Variants in TXK observed in about 807,000 individuals in gnomAD.
TXK encodes TXK tyrosine kinase, also known as tyrosine-protein kinase TXK.
In TXK, 60 loss-of-function variants were observed where a neutral mutation model predicts 81.0. That is an observed-to-expected ratio of 0.74 (90% CI 0.60 to 0.92). TXK has a LOEUF of 0.92. Among genes scored for constraint, TXK ranks in the 40% least tolerant of loss-of-function variants. The pLI, the probability that TXK is intolerant of heterozygous loss-of-function variation, is 0.00. For synonymous variants in TXK, 203 were observed against 210.7 expected (o/e 0.96, Z 0.32); for missense variants, 581 against 638.3 (o/e 0.91, Z 0.97).
chr4:48,091,608 C>A, intron 8 of TXK, among the ~76,000 whole-genome samples: 1 of 151,892 alleles, frequency 6.6e-6, no homozygotes, highest in East Asian at 1.9e-4. Context: ...CAGGTTCAAG[C>A]GATTCTCCTG....
chr4:48,130,228 G>C (rs574014829), intron 1 of TXK, among the ~76,000 whole-genome samples: 2 of 152,292 alleles, frequency 1.3e-5, no homozygotes, highest in Admixed American at 1.3e-4. Context: ...CACACACTTA[G>C]TTATCTATTG....
chr4:48,095,540 A>G (rs949680881), intron 6 of TXK, among the ~76,000 whole-genome samples: 3 of 152,204 alleles, frequency 2.0e-5, no homozygotes, highest in Non-Finnish European at 4.4e-5. Context: ...TATATTGACC[A>G]GAATAATAGA....
At chr4:48,075,805 A>C (rs4695333) in intron 12 of TXK, among the ~76,000 whole-genome samples, 142,856 of 152,134 alleles carry the variant, frequency 0.94, 67,727 homozygotes, top group East Asian at 1. Context: ...AAGCCACCTC[A>C]CTACCAGTAC....
At chr4:48,086,730 A>G in intron 9 of TXK, 93 bp from the exon 10 acceptor site, 1 of 1,192,954 alleles carries the variant, frequency 8.4e-7, no homozygotes, top group Non-Finnish European at 1.2e-6. Flanking sequence ...ATTATTTGAC[A>G]GAGAGGTTAA....
Position 48,095,144 on chromosome 4 carries a change from T to C in TXK, c.580A>G (p.Arg194Gly). The change falls in exon 7 of 15, where the codon AGA becomes GGA. Residue 194 changes from arginine (R) to glycine (G), a missense_variant and splice_region_variant. By Grantham distance (125) the Arg-to-Gly change is moderately radical. Coordinates refer to ENST00000264316, the MANE Select transcript of TXK (RefSeq NM_003328.3). Reference protein sequence around the residue: ...YTISVFMGARRSTEAAIKHYQ... With the variant: ...YTISVFMGARGSTEAAIKHYQ... Reference sequence around the variant, plus strand: ...GTAACCAAAATCACAAGTGCTTACCTTCTAGCTCCCATAAATACGGAAATT... The same window carrying C: ...GTAACCAAAATCACAAGTGCTTACCCTCTAGCTCCCATAAATACGGAAATT... 6.2e-7 allele frequency: 1 copy of C among 1,611,124 alleles called. No individual in the cohort carries two copies. Among genetic ancestry groups the C allele is most frequent in the Non-Finnish European group, 8.5e-7 (1 of 1,177,442 alleles).
chr4:48,080,146 A>G lies in TXK; in HGVS notation c.957-18T>C. The G allele has an allele frequency of 6.4e-7, 1 of 1,574,692 alleles. No individual in the cohort carries two copies. Among genetic ancestry groups the G allele is most frequent in the Non-Finnish European group, 8.7e-7 (1 of 1,144,234 alleles). ...ATAATTTCCTGGTGAAGAAAAACAT[A>G]CACCAGTGAGCAGAATTGTGTTTGC... On this transcript the variant is annotated intron_variant, in intron 10 of 14. Coordinates refer to ENST00000264316, the MANE Select transcript of TXK (RefSeq NM_003328.3).
intron 14 of TXK, among the ~76,000 whole-genome samples, chr4:48,070,072 A>G (rs1258742748): frequency 6.6e-6 from 1 of 152,196 alleles, no homozygotes; most frequent in Non-Finnish European, 1.5e-5. Flanking sequence ...ATCACTCTTA[A>G]AATATTCAAT....
chr4:48,073,930 C>G lies in TXK; in HGVS notation c.1357+5G>C. ...CTCCAGCAAGTGAACATCAGATGCA[C>G]TCACCAAATGACCAGACATCAGATT... On this transcript the variant is annotated splice_donor_5th_base_variant and intron_variant, in intron 13 of 14. Coordinates refer to ENST00000264316, the MANE Select transcript of TXK (RefSeq NM_003328.3). The G allele has an allele frequency of 6.4e-7, 1 of 1,571,554 alleles. No individual in the cohort carries two copies. Among genetic ancestry groups the G allele is most frequent in the Non-Finnish European group, 8.7e-7 (1 of 1,144,460 alleles).
chr4:48,122,374 A>T (rs975767564), intron 1 of TXK, among the ~76,000 whole-genome samples: 16 of 151,268 alleles, frequency 1.1e-4, no homozygotes, highest in African/African-American at 3.2e-4. Flanking sequence ...TTTCCAGAGC[A>T]CTCCTCCCTC....
chr4:48,103,087 C>T (rs973505011), intron 6 of TXK, among the ~76,000 whole-genome samples: 2 of 152,088 alleles, frequency 1.3e-5, no homozygotes, highest in Admixed American at 6.6e-5. Flanking sequence ...TAATATTTGC[C>T]ATATCTGGGT....
intron 10 of TXK, among the ~76,000 whole-genome samples, chr4:48,080,788 T>G (rs1717271776): frequency 6.6e-6 from 1 of 152,072 alleles, no homozygotes; most frequent in Admixed American, 6.6e-5. Context: ...TGTGTGCGTG[T>G]GTGTGTAATA....
chr4:48,070,588 T>A (rs1416545194), intron 14 of TXK, among the ~76,000 whole-genome samples: 1 of 152,314 alleles, frequency 6.6e-6, no homozygotes, highest in Non-Finnish European at 1.5e-5. Flanking sequence ...ATTTATTTAT[T>A]TATTTTTTGA....
intron 12 of TXK, 126 bp downstream of exon 12, chr4:48,076,276 G>C (rs1009915395): frequency 1.5e-6 from 1 of 653,808 alleles, no homozygotes; most frequent in Non-Finnish European, 2.4e-6. Flanking sequence ...CATACAACCA[G>C]GCCTACAACC....
In TXK at chr4:48,119,998, C is replaced by T. The variant is rs542335772; in HGVS notation, c.17-5596G>A. The stretch of plus-strand genomic sequence containing the variant: ...GTGCCCAAGCCCACTTGGAGGTATT[C>T]AAATTCAAAATTTTAAAAATACTCC... On this transcript the variant is annotated intron_variant, in intron 1 of 14. Transcript: ENST00000264316. Among the ~76,000 whole-genome samples, 15 of 152,014 alleles carry T rather than the reference C, an allele frequency of 9.9e-5. 1 individual carries two copies. The South Asian group carries it at 2.9e-3, about 30-fold the overall frequency.
At chr4:48,082,352 A>C (rs1299682877) in intron 10 of TXK, among the ~76,000 whole-genome samples, 1 of 152,190 alleles carries the variant, frequency 6.6e-6, no homozygotes. Context: ...CTTTAAGTCT[A>C]CTAAGAAACA....
intron 14 of TXK, among the ~76,000 whole-genome samples, chr4:48,069,070 C>A (rs756302392): frequency 6.6e-6 from 1 of 152,144 alleles, no homozygotes; most frequent in Non-Finnish European, 1.5e-5. Context: ...GTAATCCCAG[C>A]ACTTTGGGAG....
chr4:48,120,937 A>G (rs572037692), intron 1 of TXK, among the ~76,000 whole-genome samples: 23 of 151,780 alleles, frequency 1.5e-4, no homozygotes, highest in Non-Finnish European at 2.6e-4. Flanking sequence ...CCAACGGTCA[A>G]CTCTAAGTCC....
chr4:48,129,846 A>G (rs1306862870), intron 1 of TXK, among the ~76,000 whole-genome samples: 3 of 152,194 alleles, frequency 2.0e-5, no homozygotes, highest in Non-Finnish European at 4.4e-5. Context: ...CTCAAAGTTC[A>G]TAATAAGCTC....
chr4:48,129,673 C>G (rs1465726691), intron 1 of TXK, among the ~76,000 whole-genome samples: 2 of 152,216 alleles, frequency 1.3e-5, no homozygotes, highest in Non-Finnish European at 2.9e-5. Context: ...ACTCCCCAGA[C>G]ACGGACAGCA....
Sources: allele counts gnomAD v4.1 joint callset (sites outside exome capture counted in the v4.1 genomes callset), GRCh38; gene constraint gnomAD v4.1.1; transcripts MANE v1.5; gene names NCBI Gene and HGNC (gene_info 2026-07-23, HGNC 2026-07-21).